SGO2: variants seen among roughly 807,000 people sequenced by gnomAD.
The protein encoded by SGO2 is shugoshin 2, also known as shugoshin-like 2.
A neutral mutation model predicts 99.5 loss-of-function variants in SGO2; 68 were observed. The observed-to-expected ratio is 0.68, with a 90% CI of 0.56 to 0.84. The LOEUF is 0.84. Among genes scored for constraint, SGO2 ranks in the 40% least tolerant of loss-of-function variants. The pLI, the probability that SGO2 is intolerant of heterozygous loss-of-function variation, is 0.00. For synonymous variants in SGO2, 457 were observed against 487.1 expected (o/e 0.94, Z 0.81); for missense variants, 1,350 against 1,436.7 (o/e 0.94, Z 0.97).
intron 1 of SGO2, 33 bp from the exon 2 acceptor site, chr2:200,532,941 T>A: frequency 6.3e-7 from 1 of 1,590,264 alleles, no homozygotes. Context: ...CTTTTATTAA[T>A]CAATACTATG....
Position 200,527,789 on chromosome 2 carries a change from T to C in SGO2, c.-3+1537T>C, listed in dbSNP as rs998256958. 5.6e-4 allele frequency among the ~76,000 whole-genome samples: 86 copies of C among 152,268 alleles called. 1 individual carries two copies. The highest frequency in any genetic ancestry group is 2.0e-3 in the African/African-American group (85 of 41,548). Reference sequence around the variant, plus strand: ...GTTTATGCCCTCATTGAACTTACAATTTAGTAGGAGAAAACAGATAATAAG... The same window carrying C: ...GTTTATGCCCTCATTGAACTTACAACTTAGTAGGAGAAAACAGATAATAAG... On this transcript the variant is annotated intron_variant, in intron 1 of 8. Coordinates refer to ENST00000357799, the MANE Select transcript of SGO2 (RefSeq NM_152524.6).
rs991190955 is a variant in SGO2 at position 200,552,185 on chromosome 2, T to G, written c.473+9521T>G. 3.9e-5 allele frequency among the ~76,000 whole-genome samples: 6 copies of G among 152,284 alleles called. No homozygotes were observed. In the East Asian group the frequency reaches 7.7e-4, roughly 20 times the overall value. On this transcript the variant is annotated intron_variant, in intron 5 of 8. Transcript: ENST00000357799. ...TTTTTGTATTGAGTTATTACATATC[T>G]CAGATTTATTTCTATTCATTTCATA...
intron 5 of SGO2, among the ~76,000 whole-genome samples, chr2:200,557,338 A>G (rs1457695439): frequency 2.0e-5 from 3 of 152,132 alleles, no homozygotes; most frequent in Non-Finnish European, 4.4e-5. Context: ...AACTCCCCTA[A>G]GTTGGGCCTC....
At position 200,573,244 on chromosome 2, in the gene SGO2, C is replaced by T. The variant is rs1251417489; in HGVS notation, c.2898C>T (p.Asn966=). Residue 966 remains asparagine, a synonymous_variant, in exon 7 of 9, where the codon AAC becomes AAT. Coordinates refer to ENST00000357799, the MANE Select transcript of SGO2 (RefSeq NM_152524.6). ...TCAATAAACACTATATGGAAGTCAA[C>T]AGTAATGAAAAGGAAAGTTGTGATC... ...DIINKHYMEV[N]SNEKESCDQI... 3.8e-6 allele frequency: 6 copies of T among 1,591,140 alleles called. No homozygotes were observed. Among genetic ancestry groups the T allele is most frequent in the Non-Finnish European group, 5.1e-6 (6 of 1,173,580 alleles).
At position 200,533,046 on chromosome 2, in the gene SGO2, G is replaced by A; in HGVS notation, c.71G>A (p.Arg24Lys). 1.2e-6 allele frequency: 2 copies of A among 1,605,304 alleles called. No individual in the cohort carries two copies. The highest frequency in any genetic ancestry group is 1.7e-6 in the Non-Finnish European group (2 of 1,177,680). ...SGIKRHLKDK[R>K]ISKTTKLNVS... The stretch of plus-strand genomic sequence containing the variant: ...ATTAAGAGACATTTGAAAGACAAAA[G>A]AATTTCAAAGACTACTAAGTTGAAT... The change falls in exon 2 of 9, where the codon AGA becomes AAA. Residue 24 changes from arginine (R) to lysine (K), a missense_variant. By Grantham distance (26) the Arg-to-Lys change is conservative. Coordinates refer to ENST00000357799, the MANE Select transcript of SGO2 (RefSeq NM_152524.6).
intron 5 of SGO2, among the ~76,000 whole-genome samples, chr2:200,553,010 ATCTTCTGTAACT>A (rs991911546): frequency 6.6e-5 from 10 of 152,062 alleles, no homozygotes; most frequent in Non-Finnish European, 1.0e-4. Context: ...ACGAAAATTC[ATCTTCTGTAACT>A]TCTTCAGGCT....
intron 8 of SGO2, among the ~76,000 whole-genome samples, chr2:200,581,038 T>C (rs78078416): frequency 0.021 from 3,140 of 152,290 alleles, 119 homozygotes; most frequent in African/African-American, 0.071. Flanking sequence ...TTTTTTGTTT[T>C]TATTTGTAAA....
At chr2:200,576,127 C>T (rs1418267575) in intron 8 of SGO2, 2 of 369,792 alleles carry the variant, frequency 5.4e-6, no homozygotes, top group Non-Finnish European at 1.0e-5. Flanking sequence ...GAATGATTCT[C>T]ATGGGTATTT....
chr2:200,568,774 A>G (rs1238783886), intron 5 of SGO2, among the ~76,000 whole-genome samples: 2 of 152,072 alleles, frequency 1.3e-5, no homozygotes, highest in African/African-American at 2.4e-5. Context: ...CTAGCTCTCT[A>G]CTTGCTTTTT....
intron 7 of SGO2, among the ~76,000 whole-genome samples, 166 bp from the exon 8 acceptor site, chr2:200,575,145 A>G (rs7580695): frequency 1 from 151,550 of 152,202 alleles, 75,458 homozygotes; most frequent in Middle Eastern, 1. Flanking sequence ...TGAAAAAGTT[A>G]TAGGCTACTT....
chr2:200,553,911 G>T (rs947459661), intron 5 of SGO2, among the ~76,000 whole-genome samples: 1 of 151,978 alleles, frequency 6.6e-6, no homozygotes, highest in Non-Finnish European at 1.5e-5. Flanking sequence ...ACCTGTACAG[G>T]GATTGTGTAC....
In SGO2 at chr2:200,573,030, C is replaced by G. The variant is rs1245838166; in HGVS notation, c.2684C>G (p.Ser895Cys). Residue 895 changes from serine (S) to cysteine (C), a missense_variant, in exon 7 of 9, where the codon TCT (serine) becomes TGT (cysteine). Physicochemically the swap from Ser to Cys is moderately radical, Grantham distance 112. Transcript: ENST00000357799. ...AAAAAGTATGTTACTGATAGGAAAT[C>G]TGCTGAGCAAAATGAATCAAAAATA... ...ELKKYVTDRK[S>C]AEQNESKINK... 2 of 1,567,596 alleles carry G rather than the reference C, an allele frequency of 1.3e-6. No homozygotes were observed. The highest frequency in any genetic ancestry group is 2.5e-5 in the South Asian group (2 of 81,630).
intron 7 of SGO2, 52 bp from the exon 8 acceptor site, chr2:200,575,259 G>C: frequency 1.7e-6 from 2 of 1,162,076 alleles, no homozygotes; most frequent in Non-Finnish European, 2.4e-6. Flanking sequence ...ATATCTATTT[G>C]TATCTCTATA....
chr2:200,563,479 C>T (rs576155077), intron 5 of SGO2, among the ~76,000 whole-genome samples: 3 of 152,232 alleles, frequency 2.0e-5, no homozygotes, highest in African/African-American at 7.2e-5. Flanking sequence ...ATTAAGGATT[C>T]TTGCATCGAT....
chr2:200,550,472 A>C (rs2032427319), intron 5 of SGO2, among the ~76,000 whole-genome samples: 1 of 152,208 alleles, frequency 6.6e-6, no homozygotes, highest in South Asian at 2.1e-4. Context: ...TGTAGTAAAC[A>C]AAACAGCATG....
intron 5 of SGO2, among the ~76,000 whole-genome samples, chr2:200,553,795 G>A (rs749197206): frequency 8.5e-5 from 13 of 152,062 alleles, no homozygotes; most frequent in African/African-American, 2.4e-4. Context: ...TGTACCCTCC[G>A]ATACCTATAA....
chr2:200,550,339 G>A (rs949931301), intron 5 of SGO2, among the ~76,000 whole-genome samples: 1 of 152,116 alleles, frequency 6.6e-6, no homozygotes, highest in Non-Finnish European at 1.5e-5. Flanking sequence ...ACAGAAATAA[G>A]GGGGAAAAAT....
intron 8 of SGO2, among the ~76,000 whole-genome samples, chr2:200,579,154 T>C (rs544707827): frequency 6.6e-6 from 1 of 152,228 alleles, no homozygotes; most frequent in Non-Finnish European, 1.5e-5. Flanking sequence ...GTTGCTATTA[T>C]ATATGGACAT....
chr2:200,583,449 C>G lies in SGO2; in HGVS notation c.3783C>G (p.Asp1261Glu). 6.3e-7 allele frequency: 1 copy of G among 1,580,786 alleles called. No individual in the cohort carries two copies. Among genetic ancestry groups the G allele is most frequent in the African/African-American group, 1.4e-5 (1 of 73,768 alleles). Residue 1261 changes from aspartate to glutamate, a missense_variant and splice_region_variant, in exon 9 of 9, where the codon GAC (aspartate) becomes GAG (glutamate). By Grantham distance (45) the Asp-to-Glu change is conservative. Transcript: ENST00000357799. The stretch of plus-strand genomic sequence containing the variant: ...ATCTTCCTTTTTTTCTACTTTGCAG[C>G]AAGATGAGAAGATGAAGTGAATTTA... Reference protein sequence around the residue: ...PFYFKEPSLRDKMRR With the variant: ...PFYFKEPSLREKMRR
Sources: gnomAD v4.1 joint callset for allele counts (sites outside exome capture counted in the v4.1 genomes callset) on GRCh38, gnomAD v4.1.1 for gene constraint, MANE v1.5 for transcripts, NCBI Gene and HGNC (gene_info 2026-07-23, HGNC 2026-07-21) for gene names.